The following PLAA variants were observed in gnomAD, a reference collection of about 807,000 sequenced individuals.
The protein encoded by PLAA is phospholipase A2 activating protein, also known as phospholipase A-2-activating protein.
PLAA carries 48 observed loss-of-function variants against 84.1 expected under a neutral mutation model. The observed-to-expected ratio is 0.57, with a 90% CI of 0.45 to 0.73. PLAA has a LOEUF of 0.73. Ranked by LOEUF, PLAA falls within the 30% of genes least tolerant of loss-of-function variation. The pLI is 0.00. For synonymous variants in PLAA, 392 were observed against 336.6 expected (o/e 1.16, Z -1.80); for missense variants, 903 against 954.7 (o/e 0.95, Z 0.71).
At chr9:26,926,017 A>G in intron 5 of PLAA, 57 bp from the exon 6 acceptor site, 2 of 1,390,156 alleles carry the variant, frequency 1.4e-6, no homozygotes, top group Admixed American at 1.9e-5. Flanking sequence ...ACATTTATAC[A>G]TACCATCTTT....
rs1302089328 is a variant in PLAA at position 26,910,429 on chromosome 9, G to C, written c.1566C>G (p.Ala522=). 5 of 1,610,200 alleles carry C rather than the reference G, an allele frequency of 3.1e-6. No homozygotes were observed. The highest frequency in any genetic ancestry group is 4.2e-6 in the Non-Finnish European group (5 of 1,176,892). ...AGVDPFTGNS[A]YRSAASKTMN... ...TTGTTTTAGATGCAGCTGATCGGTAGGCACTATTCCCTATTTAAAGAATAG... is the reference window on the plus strand; with the variant it reads ...TTGTTTTAGATGCAGCTGATCGGTACGCACTATTCCCTATTTAAAGAATAG... The change falls in exon 12 of 14, where the codon GCC becomes GCG. Residue 522 remains alanine (A), a synonymous_variant. Coordinates refer to ENST00000397292, the MANE Select transcript of PLAA (RefSeq NM_001031689.3).
chr9:26,924,312 TG>T (rs1824872715), intron 6 of PLAA, among the ~76,000 whole-genome samples: 2 of 152,108 alleles, frequency 1.3e-5, no homozygotes, highest in Admixed American at 1.3e-4. Context: ...ATATTTTTTT[TG>T]TATGGAGACA....
intron 11 of PLAA, among the ~76,000 whole-genome samples, chr9:26,911,813 G>A (rs1209647201): frequency 6.6e-6 from 1 of 152,080 alleles, no homozygotes; most frequent in African/African-American, 2.4e-5. Context: ...AAGATATTGT[G>A]CAAAAATATG....
At position 26,942,977 on chromosome 9, in the gene PLAA, A is replaced by G. The variant is rs1048233582; in HGVS notation, c.149+3920T>C. Among the ~76,000 whole-genome samples the G allele has an allele frequency of 2.6e-5, 4 of 152,026 alleles. No homozygotes were observed. The South Asian group carries it at 8.3e-4, about 32-fold the overall frequency. On this transcript the variant is annotated intron_variant, in intron 1 of 13. Transcript: ENST00000397292. ...TAAATTCTCATATTCTACAGTAGGA[A>G]CTAATAGATTACAACTAAAAAATCT...
intron 10 of PLAA, chr9:26,916,200 A>T (rs115485684): frequency 0.047 from 46,157 of 985,164 alleles, 1,410 homozygotes; most frequent in African/African-American, 0.14. Context: ...TGACTTAGAG[A>T]GGACTGTAGG....
At chr9:26,938,092 G>C (rs1825416675) in intron 1 of PLAA, among the ~76,000 whole-genome samples, 1 of 152,116 alleles carries the variant, frequency 6.6e-6, no homozygotes, top group African/African-American at 2.4e-5. Context: ...CCCACACCAA[G>C]TCACATTATA....
intron 11 of PLAA, among the ~76,000 whole-genome samples, chr9:26,911,898 TAGTG>T (rs1275474902): frequency 6.6e-6 from 1 of 152,150 alleles, no homozygotes; most frequent in Non-Finnish European, 1.5e-5. Flanking sequence ...ACGAAACACT[TAGTG>T]AGATTGGTGT....
intron 1 of PLAA, among the ~76,000 whole-genome samples, chr9:26,943,048 C>T (rs997600913): frequency 6.6e-6 from 1 of 152,090 alleles, no homozygotes; most frequent in African/African-American, 2.4e-5. Flanking sequence ...GAAGATGTGT[C>T]TTCAAGCATG....
intron 10 of PLAA, chr9:26,916,572 C>G (rs1333770141): frequency 1.0e-5 from 10 of 986,920 alleles, no homozygotes; most frequent in African/African-American, 1.7e-5. Context: ...TCAAAATATG[C>G]CTGGGGAGAC....
chr9:26,929,316 C>CTCTATA (rs1017939654), intron 2 of PLAA, among the ~76,000 whole-genome samples: 1 of 152,024 alleles, frequency 6.6e-6, no homozygotes, highest in Non-Finnish European at 1.5e-5. Context: ...TATAGTGAGA[C>CTCTATA]TCCAGCTCTA....
chr9:26,913,958 A>G lies in PLAA; in HGVS notation c.1487-11T>C, dbSNP rs371157963. The G allele has an allele frequency of 2.0e-5, 32 of 1,590,942 alleles. No homozygotes were observed. The highest frequency in any genetic ancestry group is 3.3e-5 in the South Asian group (3 of 89,998). On this transcript the variant is annotated splice_polypyrimidine_tract_variant and intron_variant, in intron 10 of 13. Transcript: ENST00000397292. ...CATAACGACCAGCACCTACAATACAATAATACTCCTAGTAAGCAAAGGTGA... is the reference window on the plus strand; with the variant it reads ...CATAACGACCAGCACCTACAATACAGTAATACTCCTAGTAAGCAAAGGTGA...
chr9:26,946,220 C>G (rs1825703599), intron 1 of PLAA, among the ~76,000 whole-genome samples: 1 of 152,120 alleles, frequency 6.6e-6, no homozygotes, highest in Admixed American at 6.6e-5. Flanking sequence ...CCAGCCAAAT[C>G]AGGGCTGAAC....
intron 2 of PLAA, among the ~76,000 whole-genome samples, chr9:26,933,649 C>T (rs1467528514): frequency 3.3e-5 from 5 of 150,848 alleles, no homozygotes; most frequent in East Asian, 4.0e-4. Context: ...ATTAGCCGGG[C>T]GTGGTAGCAG....
At chr9:26,923,123 G>T in intron 7 of PLAA, 55 bp downstream of exon 7, 3 of 1,281,612 alleles carry the variant, frequency 2.3e-6, no homozygotes, top group Non-Finnish European at 3.2e-6. Context: ...TCTTCTAATT[G>T]TTCCAAAAGC....
At chr9:26,913,659 G>A (rs1486432009) in intron 11 of PLAA, among the ~76,000 whole-genome samples, 1 of 152,092 alleles carries the variant, frequency 6.6e-6, no homozygotes, top group African/African-American at 2.4e-5. Context: ...CATCTCTGGG[G>A]ATAAGGCTGA....
chr9:26,917,957 A>T (rs1824617887), intron 9 of PLAA, among the ~76,000 whole-genome samples: 1 of 152,236 alleles, frequency 6.6e-6, no homozygotes, highest in South Asian at 2.1e-4. Context: ...TAGCTTACAC[A>T]GTACTACAAT....
At chr9:26,913,987 T>G in intron 10 of PLAA, 40 bp from the exon 11 acceptor site, 2 of 1,427,970 alleles carry the variant, frequency 1.4e-6, no homozygotes, top group Non-Finnish European at 2.0e-6. Context: ...AAGGTGACTG[T>G]AAATTATAAA....
rs1298502641 is a variant in PLAA, at chr9:26,946,937, C to A, written c.109G>T (p.Val37Leu). The A allele has an allele frequency of 6.3e-7, 1 of 1,584,256 alleles. No homozygotes were observed. The highest frequency in any genetic ancestry group is 8.6e-7 in the Non-Finnish European group (1 of 1,164,932). Residue 37 changes from valine (V) to leucine (L), a missense_variant, in exon 1 of 14, where the codon GTG (valine) becomes TTG (leucine). Physicochemically the swap from Val to Leu is conservative, Grantham distance 32. Coordinates refer to ENST00000397292, the MANE Select transcript of PLAA (RefSeq NM_001031689.3). ...AGGCGGGTGGTGCGGTCTCGGGACA[C>A]GGACACAAAGGCTCCCGGCGGATAG... ...CAYPPGAFVS[V>L]SRDRTTRLWA...
intron 1 of PLAA, among the ~76,000 whole-genome samples, chr9:26,942,679 C>G (rs542462098): frequency 2.4e-4 from 36 of 152,016 alleles, no homozygotes; most frequent in Non-Finnish European, 4.0e-4. Flanking sequence ...TCAGGAGATC[C>G]AGACCATCCT....
Sources: allele counts gnomAD v4.1 joint callset (sites outside exome capture counted in the v4.1 genomes callset), GRCh38; gene constraint gnomAD v4.1.1; transcripts MANE v1.5; gene names NCBI Gene and HGNC (gene_info 2026-07-23, HGNC 2026-07-21).